Variants in THSD7B observed in about 807,000 individuals in gnomAD.
THSD7B encodes thrombospondin type-1 domain-containing protein 7B.
In THSD7B, 138 loss-of-function variants were observed where a neutral mutation model predicts 213.6. The observed-to-expected ratio is 0.65, with a 90% confidence interval of 0.56 to 0.74. THSD7B has a LOEUF of 0.74. Ranked by LOEUF, THSD7B falls within the 30% of genes least tolerant of loss-of-function variation. The pLI is 0.00. For missense variants in THSD7B, 1,931 were observed against 1,991.5 expected (o/e 0.97, Z 0.58); for synonymous variants, 742 against 687.0 (o/e 1.08, Z -1.25).
chr2:137,049,063 A>G (rs1687016580), intron 2 of THSD7B, among the ~76,000 whole-genome samples: 1 of 152,252 alleles, frequency 6.6e-6, no homozygotes, highest in East Asian at 1.9e-4. Flanking sequence ...TAGCTGAAGC[A>G]TTTATTGTAA....
At chr2:137,073,205 T>C (rs1573804310) in intron 3 of THSD7B, among the ~76,000 whole-genome samples, 1 of 152,332 alleles carries the variant, frequency 6.6e-6, no homozygotes, top group African/African-American at 2.4e-5. Flanking sequence ...GTACCTCTGG[T>C]AGAATTCGGC....
chr2:137,259,621 A>G (rs533188360), intron 10 of THSD7B, among the ~76,000 whole-genome samples: 3 of 152,140 alleles, frequency 2.0e-5, no homozygotes, highest in Admixed American at 1.3e-4. Flanking sequence ...ATTTTCTCCC[A>G]TTCTGTATGT....
intron 3 of THSD7B, among the ~76,000 whole-genome samples, chr2:137,084,542 T>A (rs578090532): frequency 6.6e-6 from 1 of 152,296 alleles, no homozygotes; most frequent in South Asian, 2.1e-4. Context: ...TGCAGTATAT[T>A]TGAGCCATTT....
intron 2 of THSD7B, among the ~76,000 whole-genome samples, chr2:136,947,540 C>A (rs1418300526): frequency 6.6e-6 from 1 of 152,128 alleles, no homozygotes; most frequent in Non-Finnish European, 1.5e-5. Flanking sequence ...CTAAACATTT[C>A]TGATGATAGA....
At chr2:136,784,717 A>T (rs891144355) in intron 1 of THSD7B, among the ~76,000 whole-genome samples, 2 of 152,214 alleles carry the variant, frequency 1.3e-5, no homozygotes, top group African/African-American at 4.8e-5. Flanking sequence ...TAAAATTGTC[A>T]TCATGATGAA....
intron 12 of THSD7B, among the ~76,000 whole-genome samples, chr2:137,402,008 G>A (rs1228095485): frequency 1.3e-5 from 2 of 152,114 alleles, no homozygotes; most frequent in Non-Finnish European, 2.9e-5. Flanking sequence ...AAACAAATGA[G>A]GCATGGTGAG....
At chr2:136,971,797 A>T (rs1305449826) in intron 2 of THSD7B, among the ~76,000 whole-genome samples, 1 of 152,092 alleles carries the variant, frequency 6.6e-6, no homozygotes, top group Non-Finnish European at 1.5e-5. Context: ...AACTCAGTTT[A>T]AATTTAAATT....
At chr2:137,543,358 G>A (rs1680643016) in intron 15 of THSD7B, among the ~76,000 whole-genome samples, 1 of 151,826 alleles carries the variant, frequency 6.6e-6, no homozygotes, top group Non-Finnish European at 1.5e-5. Flanking sequence ...GCTTAACACA[G>A]GTGCCAAGGC....
chr2:137,310,620 G>T (rs980942961), intron 12 of THSD7B, among the ~76,000 whole-genome samples: 12 of 151,974 alleles, frequency 7.9e-5, no homozygotes, highest in Admixed American at 2.6e-4. Context: ...TTTTCTTCTA[G>T]GGTTTTTATG....
chr2:137,302,238 A>G (rs894213912), intron 12 of THSD7B, among the ~76,000 whole-genome samples: 7 of 151,984 alleles, frequency 4.6e-5, no homozygotes, highest in Admixed American at 2.0e-4. Context: ...ACTAGGGAAG[A>G]CTCCAAGGAC....
intron 15 of THSD7B, among the ~76,000 whole-genome samples, chr2:137,459,117 A>G (rs1687828044): frequency 1.3e-5 from 2 of 152,220 alleles, no homozygotes. Flanking sequence ...CTCTTATACT[A>G]GTTTGAAAAT....
chr2:137,620,763 G>A, intron 20 of THSD7B, 37 bp downstream of exon 20: 2 of 1,526,816 alleles, frequency 1.3e-6, no homozygotes, highest in Non-Finnish European at 9.0e-7. Flanking sequence ...AACTAGTGTA[G>A]GTTTCTAAAT....
chr2:137,281,766 G>C (rs1348980650), intron 12 of THSD7B, among the ~76,000 whole-genome samples: 1 of 152,072 alleles, frequency 6.6e-6, no homozygotes, highest in Non-Finnish European at 1.5e-5. Flanking sequence ...GTATTCCATG[G>C]TGTATATGTG....
intron 20 of THSD7B, among the ~76,000 whole-genome samples, chr2:137,629,567 C>A (rs866744021): frequency 2.0e-4 from 31 of 152,154 alleles, no homozygotes; most frequent in African/African-American, 6.5e-4. Context: ...CAACTATAGT[C>A]TGAGCTAAAA....
chr2:137,349,015 A>G (rs1684951632), intron 12 of THSD7B, among the ~76,000 whole-genome samples: 1 of 151,626 alleles, frequency 6.6e-6, no homozygotes, highest in Non-Finnish European at 1.5e-5. Flanking sequence ...CTGCATGTCA[A>G]TATGTGTAGA....
chr2:137,342,169 A>G (rs72977627), intron 12 of THSD7B, among the ~76,000 whole-genome samples: 7,848 of 151,488 alleles, frequency 0.052, 628 homozygotes, highest in African/African-American at 0.17. Context: ...ATATTCTTGA[A>G]TGTCTTTCAT....
chr2:136,897,590 C>T (rs1241038585), intron 2 of THSD7B, among the ~76,000 whole-genome samples: 3 of 152,198 alleles, frequency 2.0e-5, no homozygotes, highest in African/African-American at 7.2e-5. Flanking sequence ...AAGAACAAAG[C>T]TTCCACAGTG....
intron 10 of THSD7B, among the ~76,000 whole-genome samples, chr2:137,243,205 C>A (rs1228246765): frequency 6.6e-6 from 1 of 152,062 alleles, no homozygotes; most frequent in Admixed American, 6.5e-5. Context: ...CAGATCTTTC[C>A]CCCAAAGTGT....
At chr2:137,003,825 GAAGT>G (rs1478666764) in intron 2 of THSD7B, among the ~76,000 whole-genome samples, 1 of 152,150 alleles carries the variant, frequency 6.6e-6, no homozygotes, top group Non-Finnish European at 1.5e-5. Flanking sequence ...ACAAAGCATT[GAAGT>G]AAGTAACAAG....
Sources: allele counts gnomAD v4.1 joint callset (sites outside exome capture counted in the v4.1 genomes callset), GRCh38; gene constraint gnomAD v4.1.1; transcripts MANE v1.5; gene names NCBI Gene and HGNC (gene_info 2026-07-23, HGNC 2026-07-21).